STAT1: variants seen among roughly 807,000 people sequenced by gnomAD.
STAT1 encodes signal transducer and activator of transcription 1.
In STAT1, 24 loss-of-function variants were observed where a neutral mutation model predicts 111.7. The ratio of observed to expected loss-of-function variants is 0.21; its 90% CI spans 0.16 to 0.30. STAT1 has a LOEUF of 0.30. Ranked by LOEUF, STAT1 falls within the 10% of genes least tolerant of loss-of-function variation. The pLI is 1.00. For synonymous variants in STAT1, 332 were observed against 326.5 expected (o/e 1.02, Z -0.18); for missense variants, 351 against 911.9 (o/e 0.38, Z 7.92).
intron 5 of STAT1, among the ~76,000 whole-genome samples, chr2:191,005,720 A>C (rs1284452613): frequency 6.6e-6 from 1 of 152,236 alleles, no homozygotes; most frequent in East Asian, 1.9e-4. Flanking sequence ...GTATTAATAA[A>C]ATAAAGTTAC....
Position 190,977,417 on chromosome 2 carries a change from G to A in STAT1, c.1874-392C>T, listed in dbSNP as rs1466415004. 1.3e-5 allele frequency among the ~76,000 whole-genome samples: 2 copies of A among 152,026 alleles called. No homozygotes were observed. Among genetic ancestry groups the A allele is most frequent in the Non-Finnish European group, 2.9e-5 (2 of 67,990 alleles). On this transcript the variant is annotated intron_variant, in intron 21 of 24. Transcript: ENST00000361099. This position sits in a 1 kb window ranked among gnomAD's most constrained non-coding sequence, Gnocchi z 4.7. ...AAATTACTAGAGATAAACTCACTTT[G>A]TTTTTCTTTTCATATTGAAAAATCT...
At chr2:191,001,013 G>T in intron 6 of STAT1, 61 bp downstream of exon 6, 1 of 1,377,622 alleles carries the variant, frequency 7.3e-7, no homozygotes, top group Non-Finnish European at 1.0e-6. Flanking sequence ...CCAAGCAATT[G>T]AAACCTTTTT....
Position 190,981,791 on chromosome 2 carries a change from G to A in STAT1, c.1582+592C>T, listed in dbSNP as rs150293182. On this transcript the variant is annotated intron_variant, in intron 18 of 24. Transcript: ENST00000361099. The surrounding 1 kb of genome is among the most constrained non-coding windows in gnomAD (Gnocchi z 4.1). ...GAAAGATCTGACCTTGAGACTAGTGGATCTTTGATTTGTTTAGTATGAAGG... is the reference window on the plus strand; with the variant it reads ...GAAAGATCTGACCTTGAGACTAGTGAATCTTTGATTTGTTTAGTATGAAGG... 3.3e-4 allele frequency among the ~76,000 whole-genome samples: 50 copies of A among 152,340 alleles called. No homozygotes were observed. Among genetic ancestry groups the A allele is most frequent in the Middle Eastern group, 3.4e-3 (1 of 294 alleles).
Position 190,970,578 on chromosome 2 carries a change from C to A in STAT1, c.*125G>T. On this transcript the variant is annotated 3_prime_UTR_variant, in exon 25 of 25. Transcript: ENST00000361099. This position sits in a 1 kb window ranked among gnomAD's most constrained non-coding sequence, Gnocchi z 5.4. Reference sequence around the variant, plus strand: ...AAATTCACTTGCTATCAACAGGTTGCAGCGAATTTGCTGGCCTTTCTTTCA... The same window carrying A: ...AAATTCACTTGCTATCAACAGGTTGAAGCGAATTTGCTGGCCTTTCTTTCA... 2 of 1,056,072 alleles carry A rather than the reference C, an allele frequency of 1.9e-6. No individual in the cohort carries two copies. The highest frequency in any genetic ancestry group is 2.9e-6 in the Non-Finnish European group (2 of 684,522). 65.4% of individuals were successfully genotyped at this position (1,056,072 alleles called of 1,614,324 possible).
Position 190,981,195 on chromosome 2 carries a change from G to C in STAT1, c.1583-526C>G, listed in dbSNP as rs577104889. On this transcript the variant is annotated intron_variant, in intron 18 of 24. Coordinates refer to ENST00000361099, the MANE Select transcript of STAT1 (RefSeq NM_007315.4). The surrounding 1 kb of genome is among the most constrained non-coding windows in gnomAD (Gnocchi z 4.1). ...TCCCACTGCCTTCCTCTGCTGCTCA[G>C]CAGAGCCCCCTCTCCCAAGGATCCT... 5.1e-4 allele frequency among the ~76,000 whole-genome samples: 77 copies of C among 152,232 alleles called. No individual in the cohort carries two copies. Among genetic ancestry groups the C allele is most frequent in the Admixed American group, 4.9e-3 (75 of 15,288 alleles).
At chr2:190,985,749 G>T in intron 14 of STAT1, 89 bp from the exon 15 acceptor site, 1 of 1,370,908 alleles carries the variant, frequency 7.3e-7, no homozygotes, top group Non-Finnish European at 1.0e-6. Context: ...GTTAGGACTA[G>T]AAAGAATGAC....
Position 190,983,859 on chromosome 2 carries a change from G to A in STAT1, c.1348-119C>T, listed in dbSNP as rs1692576528. The A allele has an allele frequency of 1.2e-6, 1 of 840,060 alleles. No individual in the cohort carries two copies. The highest frequency in any genetic ancestry group is 2.6e-5 in the East Asian group (1 of 37,924). 52.0% of individuals were successfully genotyped at this position (840,060 alleles called of 1,614,324 possible). Reference sequence around the variant, plus strand: ...GTAAATTTGTACATATTTAATACTTGAAAATGAGAAGTGTTAAGTTCTGTT... The same window carrying A: ...GTAAATTTGTACATATTTAATACTTAAAAATGAGAAGTGTTAAGTTCTGTT... On this transcript the variant is annotated intron_variant, in intron 16 of 24. Coordinates refer to ENST00000361099, the MANE Select transcript of STAT1 (RefSeq NM_007315.4). The surrounding 1 kb of genome is among the most constrained non-coding windows in gnomAD (Gnocchi z 5.7).
Position 191,007,173 on chromosome 2 carries a change from G to C in STAT1, c.372+390C>G, listed in dbSNP as rs1241997737. Among the ~76,000 whole-genome samples the C allele has an allele frequency of 6.6e-6, 1 of 152,058 alleles. No individual in the cohort carries two copies. Among genetic ancestry groups the C allele is most frequent in the Non-Finnish European group, 1.5e-5 (1 of 68,020 alleles). On this transcript the variant is annotated intron_variant, in intron 5 of 24. Coordinates refer to ENST00000361099, the MANE Select transcript of STAT1 (RefSeq NM_007315.4). The surrounding 1 kb of genome is among the most constrained non-coding windows in gnomAD (Gnocchi z 4.2). ...ATTCTACTGAGCGCAAGCTTCCACT[G>C]CCTCTACCTTGGACAGCTGCAAGAA...
chr2:190,979,688 A>C lies in STAT1; in HGVS notation c.1727+84T>G. The C allele has an allele frequency of 8.9e-7, 1 of 1,123,014 alleles. No homozygotes were observed. The highest frequency in any genetic ancestry group is 1.5e-5 in the African/African-American group (1 of 65,428). The allele number at this position is 1,123,014 out of a possible 1,614,324, so 69.6% of individuals were successfully genotyped here. A position where few individuals can be genotyped will look rare whatever the true frequency, so the allele number is the denominator to read the frequency against. ...CTGTGAGATTCACACACGCCTAGTC[A>C]AATACTGAAGCTGGACTCAGGCCTT... On this transcript the variant is annotated intron_variant, in intron 20 of 24. Transcript: ENST00000361099. This position sits in a 1 kb window ranked among gnomAD's most constrained non-coding sequence, Gnocchi z 5.8.
At position 190,975,249 on chromosome 2, in the gene STAT1, T is replaced by C. The variant is rs893588521; in HGVS notation, c.2136-317A>G. 2.2e-6 allele frequency: 1 copy of C among 461,338 alleles called. No homozygotes were observed. Among genetic ancestry groups the C allele is most frequent in the Non-Finnish European group, 4.3e-6 (1 of 230,780 alleles). The allele number at this position is 461,338 out of a possible 1,614,324, so 28.6% of individuals were successfully genotyped here. A position where few individuals can be genotyped will look rare whatever the true frequency, so the allele number is the denominator to read the frequency against. On this transcript the variant is annotated intron_variant, in intron 23 of 24. Transcript: ENST00000361099. This position sits in a 1 kb window ranked among gnomAD's most constrained non-coding sequence, Gnocchi z 5.9. ...TGCACTACCCTGAGATGACAATGCC[T>C]CGTGGCTTACCCTGGACAGAAAAGC... is the stretch of plus-strand genomic sequence containing the variant.
rs1228995462 is a variant in STAT1 at position 190,974,086 on chromosome 2, AG to A, written c.2238+743del. ...TAAATTTTTAAAAATGAGCTGGAAT[AG>A]CTCCATGTGGAAAAGAGCTTAAAAT... On this transcript the variant is annotated intron_variant, in intron 24 of 24. Transcript: ENST00000361099. The surrounding 1 kb of genome is among the most constrained non-coding windows in gnomAD (Gnocchi z 4.8). Among the ~76,000 whole-genome samples, 1 of 152,240 alleles carries A rather than the reference AG, an allele frequency of 6.6e-6. No individual in the cohort carries two copies. Among genetic ancestry groups the A allele is most frequent in the Admixed American group, 6.5e-5 (1 of 15,292 alleles).
Position 190,995,541 on chromosome 2 carries a change from G to C in STAT1, c.786-322C>G, listed in dbSNP as rs372097623. 5.3e-5 allele frequency among the ~76,000 whole-genome samples: 8 copies of C among 152,090 alleles called. No homozygotes were observed. Among genetic ancestry groups the C allele is most frequent in the Non-Finnish European group, 1.0e-4 (7 of 68,022 alleles). The stretch of plus-strand genomic sequence containing the variant: ...TCACTACCATGAGAACAGTATTGGG[G>C]GAACCACCCCCATGATTCAATTATC... On this transcript the variant is annotated intron_variant, in intron 9 of 24. Transcript: ENST00000361099. This position sits in a 1 kb window ranked among gnomAD's most constrained non-coding sequence, Gnocchi z 4.2.
chr2:190,973,748 C>G lies in STAT1; in HGVS notation c.2238+1082G>C, dbSNP rs983010377. Among the ~76,000 whole-genome samples the G allele has an allele frequency of 7.2e-5, 11 of 152,132 alleles. No homozygotes were observed. Among genetic ancestry groups the G allele is most frequent in the Non-Finnish European group, 1.6e-4 (11 of 68,018 alleles). ...GCTGCCACAATAGCTAACTGTTTTT[C>G]TAAATGGCCTATTTCGTCAACAACA... On this transcript the variant is annotated intron_variant, in intron 24 of 24. Coordinates refer to ENST00000361099, the MANE Select transcript of STAT1 (RefSeq NM_007315.4). The surrounding 1 kb of genome is among the most constrained non-coding windows in gnomAD (Gnocchi z 4.4).
At chr2:190,994,957 TAA>T (rs1478123956) in intron 10 of STAT1, 102 bp downstream of exon 10, 8,975 of 414,250 alleles carry the variant, frequency 0.022, 329 homozygotes, top group African/African-American at 0.058. Context: ...TATATATATA[TAA>T]AAAACACCTA....
At chr2:191,002,355 C>A (rs901900642) in intron 5 of STAT1, among the ~76,000 whole-genome samples, 6 of 152,142 alleles carry the variant, frequency 3.9e-5, no homozygotes, top group Non-Finnish European at 7.3e-5. Context: ...CTAGATTTTT[C>A]TCTTCTTTCC....
rs562518878 is a variant in STAT1, at chr2:190,995,231, C to A, written c.786-12G>T. 1 of 1,613,616 alleles carries A rather than the reference C, an allele frequency of 6.2e-7. No individual in the cohort carries two copies. The highest frequency in any genetic ancestry group is 2.2e-5 in the East Asian group (1 of 44,886). On this transcript the variant is annotated splice_polypyrimidine_tract_variant and intron_variant, in intron 9 of 24. Coordinates refer to ENST00000361099, the MANE Select transcript of STAT1 (RefSeq NM_007315.4). This position sits in a 1 kb window ranked among gnomAD's most constrained non-coding sequence, Gnocchi z 4.2. ...CAACTATAGTGAACCTGGGAAGACA[C>A]AAGACACAGATGTCTCTATGAGAAA...
At position 190,991,252 on chromosome 2, in the gene STAT1, CCT is replaced by C. The variant is rs768767763; in HGVS notation, c.1011_1012del (p.Val339ProfsTer18). ...CCTCAACTTCACAGTGAACTGGACCCCTGTCTTCAAGACCAGCGGCCTCTGAG... is the reference window on the plus strand; with the variant it reads ...CCTCAACTTCACAGTGAACTGGACCCGTCTTCAAGACCAGCGGCCTCTGAG... On this transcript the variant is annotated frameshift_variant, in exon 11 of 25. Transcript: ENST00000361099. LOFTEE classifies it high-confidence loss of function. The C allele has an allele frequency of 3.1e-6, 5 of 1,614,138 alleles. No homozygotes were observed. Among genetic ancestry groups the C allele is most frequent in the South Asian group, 2.2e-5 (2 of 91,078 alleles).
In STAT1 at chr2:190,995,247, C is replaced by T. The variant is rs907551517; in HGVS notation, c.786-28G>A. 4 of 1,612,490 alleles carry T rather than the reference C, an allele frequency of 2.5e-6. No individual in the cohort carries two copies. In the African/African-American group the frequency reaches 5.3e-5, roughly 22 times the overall value. On this transcript the variant is annotated intron_variant, in intron 9 of 24. Transcript: ENST00000361099. This position sits in a 1 kb window ranked among gnomAD's most constrained non-coding sequence, Gnocchi z 4.2. ...GGGAAGACACAAGACACAGATGTCTCTATGAGAAACAGTCCAGAAGCAGCC... is the reference window on the plus strand; with the variant it reads ...GGGAAGACACAAGACACAGATGTCTTTATGAGAAACAGTCCAGAAGCAGCC...
rs964272625 is a variant in STAT1 at position 190,973,939 on chromosome 2, C to T, written c.2238+891G>A. On this transcript the variant is annotated intron_variant, in intron 24 of 24. Transcript: ENST00000361099. This position sits in a 1 kb window ranked among gnomAD's most constrained non-coding sequence, Gnocchi z 4.4. ...CTGAAGAGTGACGCCCTCTCATTCTCGCTCACCTTTCCCCTCCCTGCCTTC... is the reference window on the plus strand; with the variant it reads ...CTGAAGAGTGACGCCCTCTCATTCTTGCTCACCTTTCCCCTCCCTGCCTTC... Among the ~76,000 whole-genome samples the T allele has an allele frequency of 6.6e-6, 1 of 152,166 alleles. No homozygotes were observed. Among genetic ancestry groups the T allele is most frequent in the Non-Finnish European group, 1.5e-5 (1 of 68,034 alleles).
Sources: gnomAD v4.1 joint callset for allele counts (sites outside exome capture counted in the v4.1 genomes callset) on GRCh38, gnomAD v4.1.1 for gene constraint, Gnocchi (gnomAD v3.1) non-coding constraint, MANE v1.5 for transcripts, NCBI Gene and HGNC (gene_info 2026-07-23, HGNC 2026-07-21) for gene names.